DCLRE1B: variants seen among roughly 807,000 people sequenced by gnomAD.
DCLRE1B encodes the protein 5' exonuclease Apollo.
Under a neutral mutation model 19.8 loss-of-function variants are expected in DCLRE1B, and 6 were observed. The ratio of observed to expected loss-of-function variants is 0.30; its 90% CI spans 0.17 to 0.60. DCLRE1B has a LOEUF of 0.60. DCLRE1B is among the 20% of genes least tolerant of loss of function. The pLI is 0.87. For synonymous variants in DCLRE1B, 258 were observed against 255.7 expected (o/e 1.01, Z -0.09); for missense variants, 622 against 654.2 (o/e 0.95, Z 0.54).
At chr1:113,906,807 A>G (rs1669022112) in intron 1 of DCLRE1B, among the ~76,000 whole-genome samples, 189 bp from the exon 2 acceptor site, 1 of 152,100 alleles carries the variant, frequency 6.6e-6, no homozygotes, top group African/African-American at 2.4e-5. Context: ...GAACTCTTAA[A>G]TTGTACAAAG....
At position 113,913,726 on chromosome 1, in the gene DCLRE1B, G is replaced by A. The variant is rs920878059; in HGVS notation, c.*1535G>A. 6.6e-6 allele frequency: 1 copy of A among 152,086 alleles called. No individual in the cohort carries two copies. Among genetic ancestry groups the A allele is most frequent in the Admixed American group, 6.6e-5 (1 of 15,258 alleles). The allele number at this position is 152,086 out of a possible 1,614,324, so 9.4% of individuals were successfully genotyped here. On this transcript the variant is annotated 3_prime_UTR_variant, in exon 4 of 4. Coordinates refer to ENST00000650450, the MANE Select transcript of DCLRE1B (RefSeq NM_022836.4). ...TGGTTCTCTTTAGCTTCTGGTTCTTGAAAGAAATTAATCTGTATATAACAT... is the reference window on the plus strand; with the variant it reads ...TGGTTCTCTTTAGCTTCTGGTTCTTAAAAGAAATTAATCTGTATATAACAT...
At chr1:113,907,204 GTTT>G (rs71090746) in intron 2 of DCLRE1B, 43 bp downstream of exon 2, 1,218 of 491,552 alleles carry the variant, frequency 2.5e-3, no homozygotes, top group South Asian at 0.013. Context: ...CAGACTAGAT[GTTT>G]TTTTTTTTTT....
In DCLRE1B at chr1:113,912,086, G is replaced by A. The variant is rs1455713953; in HGVS notation, c.1494G>A (p.Arg498=). 1.2e-6 allele frequency: 2 copies of A among 1,614,076 alleles called. No homozygotes were observed. The highest frequency in any genetic ancestry group is 1.7e-6 in the Non-Finnish European group (2 of 1,180,050). ...CCCCTCTTCTAGCTACTGAATTCAG[G>A]GGTCTAGCACTCAAATATCTTCTGA... ...KGTPLLATEF[R]GLALKYLLTP... Residue 498 remains arginine, a synonymous_variant, in exon 4 of 4, where the codon AGG becomes AGA. Transcript: ENST00000650450.
At chr1:113,907,955 T>TA (rs2101069801) in intron 2 of DCLRE1B, 54 bp from the exon 3 acceptor site, 1 of 1,558,174 alleles carries the variant, frequency 6.4e-7, no homozygotes, top group East Asian at 2.2e-5. Context: ...AGGAGAGGCT[T>TA]GTCTTCTATT....
At chr1:113,909,939 A>C (rs1669194247) in intron 3 of DCLRE1B, among the ~76,000 whole-genome samples, 1 of 152,146 alleles carries the variant, frequency 6.6e-6, no homozygotes, top group Admixed American at 6.5e-5. Flanking sequence ...TATAAATAAT[A>C]TATACTTCTT....
chr1:113,907,172 C>T lies in DCLRE1B; in HGVS notation c.355+11C>T, dbSNP rs1669052715. 2.3e-6 allele frequency: 3 copies of T among 1,293,328 alleles called. No individual in the cohort carries two copies. Among genetic ancestry groups the T allele is most frequent in the Non-Finnish European group, 3.2e-6 (3 of 926,972 alleles). 80.1% of individuals were successfully genotyped at this position (1,293,328 alleles called of 1,614,324 possible). On this transcript the variant is annotated intron_variant, in intron 2 of 3. Coordinates refer to ENST00000650450, the MANE Select transcript of DCLRE1B (RefSeq NM_022836.4). ...CCATCCTCTACACAGGTGGGCCTCT[C>T]AAGGAATCCCAGTGACTTCTCCAGA...
chr1:113,907,208 T>TG (rs1289665050), intron 2 of DCLRE1B, 47 bp downstream of exon 2: 5 of 694,006 alleles, frequency 7.2e-6, no homozygotes, highest in East Asian at 1.8e-4. Flanking sequence ...CTAGATGTTT[T>TG]TTTTTTTTTT....
In DCLRE1B at chr1:113,912,132, G is replaced by A. The variant is rs774752585; in HGVS notation, c.1540G>A (p.Ala514Thr). The change falls in exon 4 of 4, where the codon GCA becomes ACA. Residue 514 changes from alanine to threonine, a missense_variant. Around this residue, in one of 3 missense-constraint regions of DCLRE1B, gnomAD observed 382 missense variants for 412.5 expected, o/e 0.93. Transcript: ENST00000650450. ...TCTGACTCCAGTGAACTTTTTCCAG[G>A]CAGGGTATTCTTCCAGGAGATTTGA... ...YLLTPVNFFQAGYSSRRFDQQ... is the reference protein window; with the variant it reads ...YLLTPVNFFQTGYSSRRFDQQ... The A allele has an allele frequency of 6.2e-7, 1 of 1,614,150 alleles. No homozygotes were observed. Among genetic ancestry groups the A allele is most frequent in the Admixed American group, 1.7e-5 (1 of 60,016 alleles).
Position 113,911,778 on chromosome 1 carries a change from A to T in DCLRE1B, c.1186A>T (p.Ile396Phe), listed in dbSNP as rs141159471. 4.3e-6 allele frequency: 7 copies of T among 1,614,222 alleles called. No homozygotes were observed. In the East Asian group the frequency reaches 1.6e-4, roughly 36 times the overall value. Reference protein sequence around the residue: ...EKQPSHHPLRIKKQLFPDLYS... With the variant: ...EKQPSHHPLRFKKQLFPDLYS... ...GCAGCCTTCCCACCATCCTTTGCGGATCAAGAAGCAGTTGTTCCCAGATCT... is the reference window on the plus strand; with the variant it reads ...GCAGCCTTCCCACCATCCTTTGCGGTTCAAGAAGCAGTTGTTCCCAGATCT... The change falls in exon 4 of 4, where the codon ATC becomes TTC. Residue 396 changes from isoleucine (I) to phenylalanine (F), a missense_variant. This residue lies in a region of DCLRE1B where 382 missense variants were observed against 412.5 expected (regional missense o/e 0.93). Transcript: ENST00000650450.
intron 1 of DCLRE1B, among the ~76,000 whole-genome samples, chr1:113,906,313 C>T (rs1054965542): frequency 6.6e-6 from 1 of 151,944 alleles, no homozygotes; most frequent in Non-Finnish European, 1.5e-5. Flanking sequence ...CCGCCTCAGC[C>T]TCCCCAAGTG....
At position 113,912,817 on chromosome 1, in the gene DCLRE1B, C is replaced by T. The variant is rs1669316335; in HGVS notation, c.*626C>T. 1 of 152,348 alleles carries T rather than the reference C, an allele frequency of 6.6e-6. No homozygotes were observed. Among genetic ancestry groups the T allele is most frequent in the Non-Finnish European group, 1.5e-5 (1 of 68,078 alleles). 9.4% of individuals were successfully genotyped at this position (152,348 alleles called of 1,614,324 possible). A position where few individuals can be genotyped will look rare whatever the true frequency, so the allele number is the denominator to read the frequency against. ...CTTGGAACAGTAGTGAAAATTCTAC[C>T]TCTATGTCCTTCATGAGGATGTGCA... On this transcript the variant is annotated 3_prime_UTR_variant, in exon 4 of 4. Transcript: ENST00000650450.
upstream of DCLRE1B, chr1:113,904,850 C>A: frequency 1.2e-6 from 1 of 833,976 alleles, no homozygotes; most frequent in Non-Finnish European, 2.0e-6. Context: ...TCGCCTCAGG[C>A]TCGGCTTCCG....
intron 3 of DCLRE1B, among the ~76,000 whole-genome samples, chr1:113,909,766 T>A (rs1669183471): frequency 6.6e-6 from 1 of 152,144 alleles, no homozygotes; most frequent in Admixed American, 6.6e-5. Flanking sequence ...GCAGTGGGGA[T>A]ATAAAGATGA....
intron 3 of DCLRE1B, among the ~76,000 whole-genome samples, chr1:113,910,825 T>C (rs963651172): frequency 1.3e-5 from 2 of 152,166 alleles, no homozygotes; most frequent in Non-Finnish European, 2.9e-5. Context: ...TTGCTCTTAA[T>C]TGTGGTTTTT....
chr1:113,904,901 C>T (rs1384584091), upstream of DCLRE1B: 1 of 612,002 alleles, frequency 1.6e-6, no homozygotes, highest in Non-Finnish European at 3.0e-6. Flanking sequence ...CCACGCCCTC[C>T]GCGACACCGC....
intron 2 of DCLRE1B, 65 bp downstream of exon 2, chr1:113,907,226 T>TAA: frequency 1.5e-6 from 2 of 1,313,284 alleles, no homozygotes; most frequent in Non-Finnish European, 2.0e-6. Context: ...TTTTTTTTTT[T>TAA]TTTTTTTTAA....
intron 3 of DCLRE1B, among the ~76,000 whole-genome samples, chr1:113,910,452 A>G (rs1406792737): frequency 6.6e-6 from 1 of 152,088 alleles, no homozygotes; most frequent in Non-Finnish European, 1.5e-5. Flanking sequence ...TTTAAGATTT[A>G]GCCTAACGTT....
chr1:113,907,895 A>C, intron 2 of DCLRE1B, 114 bp from the exon 3 acceptor site: 1 of 1,173,048 alleles, frequency 8.5e-7, no homozygotes, highest in Non-Finnish European at 1.2e-6. Flanking sequence ...CAGGCTACAT[A>C]ATAGTTTTTT....
Position 113,911,559 on chromosome 1 carries a change from G to A in DCLRE1B, c.967G>A (p.Val323Ile), listed in dbSNP as rs770625510. The A allele has an allele frequency of 4.3e-6, 7 of 1,609,516 alleles. No homozygotes were observed. The highest frequency in any genetic ancestry group is 1.1e-5 in the South Asian group (1 of 90,548). The change falls in exon 4 of 4, where the codon GTA becomes ATA. Residue 323 changes from valine (V) to isoleucine (I), a missense_variant. Coordinates refer to ENST00000650450, the MANE Select transcript of DCLRE1B (RefSeq NM_022836.4). ...CTCCGTGCCCCTGATTCCGGACTCT[G>A]TACAGCAATACATGAGTTCTTCCTC... is the stretch of plus-strand genomic sequence containing the variant. Reference protein sequence around the residue: ...RISVPLIPDSVQQYMSSSSRK... With the variant: ...RISVPLIPDSIQQYMSSSSRK...
Sources: gnomAD v4.1 joint callset for allele counts (sites outside exome capture counted in the v4.1 genomes callset) on GRCh38, gnomAD v4.1.1 for gene constraint, gnomAD v4.1.1 regional missense constraint, MANE v1.5 for transcripts, NCBI Gene and HGNC (gene_info 2026-07-23, HGNC 2026-07-21) for gene names.